DGKH: variants seen among roughly 807,000 people sequenced by gnomAD.
DGKH encodes diacylglycerol kinase eta.
A neutral mutation model predicts 159.3 loss-of-function variants in DGKH; 90 were observed. The observed-to-expected ratio is 0.57, with a 90% CI of 0.48 to 0.67. The LOEUF is 0.67. DGKH is among the 30% of genes least tolerant of loss of function. The probability of loss-of-function intolerance (pLI) is 0.00; values close to 1 mark genes in which losing one functional copy is unlikely to be tolerated. For synonymous variants in DGKH, 536 were observed against 553.8 expected (o/e 0.97, Z 0.45); for missense variants, 1,181 against 1,506.1 (o/e 0.78, Z 3.57).
At chr13:42,134,489 G>A (rs1194560709) in intron 3 of DGKH, among the ~76,000 whole-genome samples, 2 of 152,054 alleles carry the variant, frequency 1.3e-5, no homozygotes, top group Non-Finnish European at 2.9e-5. Context: ...AAACTTAGTG[G>A]CTTAAAAAAA....
intron 1 of DGKH, among the ~76,000 whole-genome samples, chr13:42,042,915 T>TA (rs1186945728): frequency 2.6e-5 from 4 of 152,198 alleles, no homozygotes; most frequent in African/African-American, 9.7e-5. Flanking sequence ...TCCAAATTAC[T>TA]AAAAAGTGGC....
At position 42,129,643 on chromosome 13, in the gene DGKH, A is replaced by T. The variant is rs368071915; in HGVS notation, c.384+11A>T. Reference sequence around the variant, plus strand: ...AACAACAGCTTCACGGTATGGTTATATTCTGCTAACTCCCTTCTCAAAAGT... The same window carrying T: ...AACAACAGCTTCACGGTATGGTTATTTTCTGCTAACTCCCTTCTCAAAAGT... On this transcript the variant is annotated intron_variant, in intron 3 of 29. Transcript: ENST00000337343. 3.1e-6 allele frequency: 5 copies of T among 1,607,860 alleles called. No individual in the cohort carries two copies. Among genetic ancestry groups the T allele is most frequent in the Non-Finnish European group, 4.3e-6 (5 of 1,176,222 alleles).
Position 42,241,498 on chromosome 13 carries a change from C to G in DGKH, c.*12310C>G, listed in dbSNP as rs2138325900. 1 of 152,334 alleles carries G rather than the reference C, an allele frequency of 6.6e-6. No individual in the cohort carries two copies. Among genetic ancestry groups the G allele is most frequent in the East Asian group, 1.9e-4 (1 of 5,188 alleles). The allele number at this position is 152,334 out of a possible 1,614,324, so 9.4% of individuals were successfully genotyped here. A position where few individuals can be genotyped will look rare whatever the true frequency, so the allele number is the denominator to read the frequency against. ...TTGTCAAGTACATATTTCATCAATC[C>G]TATTTCCACAGCCGTACATGTGATC... On this transcript the variant is annotated 3_prime_UTR_variant, in exon 30 of 30. Coordinates refer to ENST00000337343, the MANE Select transcript of DGKH (RefSeq NM_178009.5).
intron 3 of DGKH, among the ~76,000 whole-genome samples, chr13:42,148,669 G>A (rs1192544620): frequency 6.6e-6 from 1 of 152,122 alleles, no homozygotes; most frequent in East Asian, 1.9e-4. Flanking sequence ...ACCGTGCTCT[G>A]TCACTTTTAG....
intron 1 of DGKH, among the ~76,000 whole-genome samples, chr13:42,093,344 T>TA (rs1270971281): frequency 6.0e-5 from 9 of 150,992 alleles, no homozygotes; most frequent in African/African-American, 1.5e-4. Flanking sequence ...TGGCTGCTCT[T>TA]AAAAAAAAAG....
intron 3 of DGKH, among the ~76,000 whole-genome samples, chr13:42,130,308 C>G (rs1367672241): frequency 6.6e-6 from 1 of 152,164 alleles, no homozygotes; most frequent in Non-Finnish European, 1.5e-5. Context: ...TGATTCCTCC[C>G]CCATCTGTCA....
intron 3 of DGKH, among the ~76,000 whole-genome samples, chr13:42,152,433 G>A (rs1310393487): frequency 1.4e-5 from 2 of 147,082 alleles, no homozygotes; most frequent in Non-Finnish European, 3.0e-5. Flanking sequence ...TTATATATGT[G>A]TATATATATA....
rs766788357 is a variant in DGKH, at chr13:42,155,747, C to T, written c.570C>T (p.Asn190=). ...CCCACGCCCGACCCACCTTCTGTAA[C>T]GTGTGCAGAGAGAGTCTTTCTGGAG... is the stretch of plus-strand genomic sequence containing the variant. ...ACSHARPTFC[N]VCRESLSGVT... Residue 190 remains asparagine (N), a synonymous_variant, in exon 5 of 30, where the codon AAC becomes AAT. Transcript: ENST00000337343. 14 of 1,614,100 alleles carry T rather than the reference C, an allele frequency of 8.7e-6. No homozygotes were observed. Among genetic ancestry groups the T allele is most frequent in the Non-Finnish European group, 1.1e-5 (13 of 1,180,008 alleles).
chr13:42,242,617 C>T lies in DGKH; in HGVS notation c.*13429C>T, dbSNP rs184460147. The stretch of plus-strand genomic sequence containing the variant: ...TTAAAGATGTTTTATGTGTTTTCAC[C>T]TTTGGAATATATTGTTACATTTCCT... On this transcript the variant is annotated 3_prime_UTR_variant, in exon 30 of 30. Coordinates refer to ENST00000337343, the MANE Select transcript of DGKH (RefSeq NM_178009.5). The T allele has an allele frequency of 3.3e-5, 5 of 152,180 alleles. No individual in the cohort carries two copies. The East Asian group carries it at 7.7e-4, about 24-fold the overall frequency. 9.4% of individuals were successfully genotyped at this position (152,180 alleles called of 1,614,324 possible). A position where few individuals can be genotyped will look rare whatever the true frequency, so the allele number is the denominator to read the frequency against.
chr13:42,095,156 C>CTTTTT lies in DGKH; in HGVS notation c.193-32287_193-32283dup, dbSNP rs776422302. Among the ~76,000 whole-genome samples the CTTTTT allele has an allele frequency of 1.6e-3, 121 of 76,814 alleles. 3 individuals are homozygous for CTTTTT. The highest frequency in any genetic ancestry group is 3.1e-3 in the African/African-American group (57 of 18,290). 50.4% of individuals were successfully genotyped at this position (76,814 alleles called of 152,430 possible). A position where few individuals can be genotyped will look rare whatever the true frequency, so the allele number is the denominator to read the frequency against. ...GCAGCCGCTCAATAAATGTTGACTC[C>CTTTTT]TTTTTTTTTTTTTTTTTTTTTTTTG... On this transcript the variant is annotated intron_variant, in intron 1 of 29. Transcript: ENST00000337343.
intron 24 of DGKH, among the ~76,000 whole-genome samples, chr13:42,211,797 C>T (rs572625230): frequency 8.1e-4 from 124 of 152,256 alleles, no homozygotes; most frequent in Admixed American, 2.8e-3. Context: ...AGCAAAGGCA[C>T]GTCTTACATG....
At chr13:42,200,970 T>A (rs1957333528) in intron 20 of DGKH, among the ~76,000 whole-genome samples, 1 of 149,740 alleles carries the variant, frequency 6.7e-6, no homozygotes, top group Admixed American at 6.8e-5. Flanking sequence ...TGTACCCCGG[T>A]TGGCCACATT....
At chr13:42,071,909 T>C (rs1269880142) in intron 1 of DGKH, among the ~76,000 whole-genome samples, 2 of 152,200 alleles carry the variant, frequency 1.3e-5, no homozygotes, top group Admixed American at 6.5e-5. Flanking sequence ...GGAACAACCC[T>C]GAGACTAGAG....
intron 1 of DGKH, among the ~76,000 whole-genome samples, chr13:42,079,167 C>T (rs540994505): frequency 1.3e-5 from 2 of 151,956 alleles, no homozygotes; most frequent in Admixed American, 6.6e-5. Flanking sequence ...CCACCTGCCT[C>T]GGTCTCCCAA....
intron 13 of DGKH, among the ~76,000 whole-genome samples, chr13:42,183,422 G>A (rs774029771): frequency 1.9e-4 from 29 of 151,882 alleles, no homozygotes; most frequent in Non-Finnish European, 3.5e-4. Flanking sequence ...CTGCATGTAC[G>A]CACAGTCACA....
At chr13:42,243,774 T>G (rs1267929815), downstream of DGKH, among the ~76,000 whole-genome samples, 2 of 152,036 alleles carry the variant, frequency 1.3e-5, no homozygotes, top group African/African-American at 4.8e-5. Context: ...ATGCTGTTGC[T>G]GAAACATAAG....
chr13:42,109,811 AT>A (rs1954828393), intron 1 of DGKH, among the ~76,000 whole-genome samples: 1 of 152,084 alleles, frequency 6.6e-6, no homozygotes, highest in African/African-American at 2.4e-5. Flanking sequence ...GATTCTCTTC[AT>A]TTCTGTGAAC....
chr13:42,200,309 C>A (rs1022477628), intron 20 of DGKH, among the ~76,000 whole-genome samples: 1 of 152,036 alleles, frequency 6.6e-6, no homozygotes, highest in Non-Finnish European at 1.5e-5. Context: ...TTTAAATATA[C>A]GTTTATTTTT....
At chr13:42,158,805 A>G (rs1181112137) in intron 5 of DGKH, among the ~76,000 whole-genome samples, 1 of 152,228 alleles carries the variant, frequency 6.6e-6, no homozygotes, top group Non-Finnish European at 1.5e-5. Context: ...TCAGACTTAT[A>G]ATCAGTATTT....
Sources: gnomAD v4.1 joint callset for allele counts (sites outside exome capture counted in the v4.1 genomes callset) on GRCh38, gnomAD v4.1.1 for gene constraint, MANE v1.5 for transcripts, NCBI Gene and HGNC (gene_info 2026-07-23, HGNC 2026-07-21) for gene names.